SRPRB: variants seen among roughly 807,000 people sequenced by gnomAD.
The protein encoded by SRPRB is SRP receptor subunit beta, also known as signal recognition particle receptor subunit beta.
SRPRB carries 20 observed loss-of-function variants against 31.9 expected under a neutral mutation model. That is an observed-to-expected ratio of 0.63 (90% CI 0.44 to 0.91). SRPRB has a LOEUF of 0.91. Among genes scored for constraint, SRPRB ranks in the 40% least tolerant of loss-of-function variants. The pLI, the probability that SRPRB is intolerant of heterozygous loss-of-function variation, is 0.00. For synonymous variants in SRPRB, 146 were observed against 132.8 expected (o/e 1.10, Z -0.68); for missense variants, 321 against 324.9 (o/e 0.99, Z 0.09).
At chr3:133,818,646 C>G (rs1430237906) in intron 6 of SRPRB, among the ~76,000 whole-genome samples, 1 of 152,218 alleles carries the variant, frequency 6.6e-6, no homozygotes, top group East Asian at 1.9e-4. Flanking sequence ...ATGTCACATG[C>G]ATTAAGCTTA....
Position 133,805,837 on chromosome 3 carries a change from C to A in SRPRB, c.-12C>A, listed in dbSNP as rs773182875. On this transcript the variant is annotated 5_prime_UTR_variant, in exon 1 of 7. Coordinates refer to ENST00000678299, the MANE Select transcript of SRPRB (RefSeq NM_001379313.1). ...GTCGCTTTTGCTGTACCGGGGACCA[C>A]GCGTCTCATCCATGGCTTCCGCGGA... 6.2e-7 allele frequency: 1 copy of A among 1,602,334 alleles called. No individual in the cohort carries two copies. Among genetic ancestry groups the A allele is most frequent in the Non-Finnish European group, 8.5e-7 (1 of 1,174,484 alleles).
chr3:133,823,030 G>T (rs992850160), downstream of SRPRB, among the ~76,000 whole-genome samples: 3 of 152,226 alleles, frequency 2.0e-5, no homozygotes, highest in African/African-American at 7.2e-5. Flanking sequence ...CCATTCTGAG[G>T]TTAAGAAACG....
chr3:133,806,549 A>T, intron 1 of SRPRB, 60 bp from the exon 2 acceptor site: 3 of 1,296,742 alleles, frequency 2.3e-6, no homozygotes, highest in Non-Finnish European at 3.3e-6. Flanking sequence ...CACCCCAGCC[A>T]TGCACATATA....
chr3:133,799,173 A>G (rs965899654), intron 1 of SRPRB, among the ~76,000 whole-genome samples: 2 of 152,238 alleles, frequency 1.3e-5, no homozygotes, highest in African/African-American at 4.8e-5. Context: ...CGCCAAATCT[A>G]TTATACTTCA....
chr3:133,811,856 A>G (rs1181860511), intron 4 of SRPRB, among the ~76,000 whole-genome samples: 1 of 152,212 alleles, frequency 6.6e-6, no homozygotes, highest in African/African-American at 2.4e-5. Flanking sequence ...TGCTGGAATT[A>G]CAGGCGTGAG....
downstream of SRPRB, chr3:133,827,498 A>C (rs1035329377): frequency 3.0e-5 from 6 of 196,748 alleles, no homozygotes; most frequent in Non-Finnish European, 5.2e-5. Context: ...TCAGGAATGA[A>C]TCAAAAATGG....
intron 1 of SRPRB, chr3:133,792,710 G>A (rs566486078): frequency 7.2e-5 from 11 of 152,198 alleles, no homozygotes; most frequent in East Asian, 3.9e-4. Flanking sequence ...ACAAGGCATG[G>A]GAATGTAGAT....
At position 133,806,644 on chromosome 3, in the gene SRPRB, C is replaced by G. The variant is rs1020916565; in HGVS notation, c.190C>G (p.Gln64Glu). Residue 64 changes from glutamine (Q) to glutamate (E), a missense_variant, in exon 2 of 7, where the codon CAG becomes GAG. By Grantham distance (29) the Gln-to-Glu change is conservative (BLOSUM62 2). Transcript: ENST00000678299. ...WKLIRSRRSS[Q>E]RAVLLVGLCD... is the part of the protein sequence containing the mutation. ...GTTAATCCGGAGCAGAAGGAGCAGT[C>G]AGAGAGCTGTTCTTCTTGTTGGCCT... 8 of 1,614,142 alleles carry G rather than the reference C, an allele frequency of 5.0e-6. No individual in the cohort carries two copies. The highest frequency in any genetic ancestry group is 6.8e-6 in the Non-Finnish European group (8 of 1,180,000).
rs1277810536 is a variant in SRPRB, at chr3:133,820,607, T to G, written c.*841T>G. The stretch of plus-strand genomic sequence containing the variant: ...AGAATGCTGTGGAACAAATACAAAG[T>G]GAAAAAAGTTCTCTGTAGATTTCTG... On this transcript the variant is annotated 3_prime_UTR_variant, in exon 7 of 7. Coordinates refer to ENST00000678299, the MANE Select transcript of SRPRB (RefSeq NM_001379313.1). The G allele has an allele frequency of 6.6e-6, 1 of 151,800 alleles. No homozygotes were observed. Among genetic ancestry groups the G allele is most frequent in the Non-Finnish European group, 1.5e-5 (1 of 67,948 alleles). 9.4% of individuals were successfully genotyped at this position (151,800 alleles called of 1,614,324 possible).
chr3:133,823,699 T>C (rs1207618314), downstream of SRPRB, among the ~76,000 whole-genome samples: 1 of 152,180 alleles, frequency 6.6e-6, no homozygotes, highest in East Asian at 1.9e-4. Context: ...CATCTTTTAG[T>C]CTGGAGATAA....
At chr3:133,815,523 A>G in intron 4 of SRPRB, 67 bp from the exon 5 acceptor site, 1 of 1,591,950 alleles carries the variant, frequency 6.3e-7, no homozygotes, top group South Asian at 1.1e-5. Flanking sequence ...AGTTCAGGAT[A>G]GTTTTTCAAG....
chr3:133,804,915 A>G (rs1935122558), upstream of SRPRB, among the ~76,000 whole-genome samples: 1 of 152,238 alleles, frequency 6.6e-6, no homozygotes, highest in Admixed American at 6.5e-5. Flanking sequence ...GAGACTGTGA[A>G]CTGGGACCCT....
upstream of SRPRB, among the ~76,000 whole-genome samples, chr3:133,801,716 AC>A (rs1486578200): frequency 6.6e-5 from 10 of 152,228 alleles, no homozygotes; most frequent in African/African-American, 2.4e-4. Context: ...GTTATATTAT[AC>A]AAGGGGTGTG....
At chr3:133,798,293 CA>C (rs1202844568) in intron 1 of SRPRB, among the ~76,000 whole-genome samples, 1 of 152,118 alleles carries the variant, frequency 6.6e-6, no homozygotes, top group African/African-American at 2.4e-5. Flanking sequence ...TGCAGATATA[CA>C]TTTACATTTT....
At chr3:133,787,088 AT>A (rs1284744033) in intron 1 of SRPRB, 2 of 152,120 alleles carry the variant, frequency 1.3e-5, no homozygotes, top group African/African-American at 4.8e-5. Context: ...TTCACTTGCC[AT>A]TTTTCTGTCT....
intron 4 of SRPRB, among the ~76,000 whole-genome samples, chr3:133,814,333 G>A (rs563490544): frequency 2.6e-5 from 4 of 152,174 alleles, no homozygotes; most frequent in East Asian, 1.9e-4. Flanking sequence ...GGGTTTCGCC[G>A]TGTTAGCCAG....
chr3:133,805,357 C>G (rs1368122670), upstream of SRPRB, among the ~76,000 whole-genome samples: 1 of 152,168 alleles, frequency 6.6e-6, no homozygotes, highest in Non-Finnish European at 1.5e-5. Context: ...TTCCAATGTC[C>G]AGAAGCTTTT....
intron 3 of SRPRB, chr3:133,810,188 A>T (rs1028798853): frequency 1.3e-5 from 2 of 152,216 alleles, no homozygotes; most frequent in Non-Finnish European, 2.9e-5. Context: ...CTAATAAAAA[A>T]CATATTTGTC....
At chr3:133,790,264 C>G (rs779860647) in intron 1 of SRPRB, 3 of 152,084 alleles carry the variant, frequency 2.0e-5, no homozygotes, top group Non-Finnish European at 2.9e-5. Flanking sequence ...TGGAATTGTT[C>G]TTAACTATAA....
Sources: gnomAD v4.1 joint callset for allele counts (sites outside exome capture counted in the v4.1 genomes callset) on GRCh38, gnomAD v4.1.1 for gene constraint, MANE v1.5 for transcripts, NCBI Gene and HGNC (gene_info 2026-07-23, HGNC 2026-07-21) for gene names.